Variants in SNX10 observed in about 807,000 individuals in gnomAD.
SNX10 encodes sorting nexin 10.
In SNX10, 25 loss-of-function variants were observed where a neutral mutation model predicts 28.5. That is an observed-to-expected ratio of 0.88 (90% CI 0.64 to 1.22). The LOEUF (loss-of-function observed/expected upper bound fraction) is 1.22. SNX10 is among the 50% of genes most tolerant of loss of function. The pLI, the probability that SNX10 is intolerant of heterozygous loss-of-function variation, is 0.00. For missense variants in SNX10, 223 were observed against 242.6 expected (o/e 0.92, Z 0.54); for synonymous variants, 62 against 81.4 (o/e 0.76, Z 1.28).
chr7:26,311,510 G>A (rs915441224), intron 1 of SNX10, among the ~76,000 whole-genome samples: 7 of 152,124 alleles, frequency 4.6e-5, no homozygotes, highest in Non-Finnish European at 7.4e-5. Context: ...CTGTTGCACT[G>A]GGGGGAGGGA....
chr7:26,319,291 A>G (rs1440548304), intron 1 of SNX10, among the ~76,000 whole-genome samples: 1 of 71,022 alleles, frequency 1.4e-5, no homozygotes, highest in East Asian at 3.7e-4. Flanking sequence ...AATTAAATAT[A>G]CTTATGAAAT....
intron 5 of SNX10, among the ~76,000 whole-genome samples, chr7:26,367,871 G>T (rs1789357684): frequency 6.6e-6 from 1 of 152,190 alleles, no homozygotes; most frequent in Non-Finnish European, 1.5e-5. Context: ...TGCTTGTATT[G>T]TAGGTTTTTC....
intron 1 of SNX10, among the ~76,000 whole-genome samples, chr7:26,303,425 C>A (rs1786455169): frequency 6.6e-6 from 1 of 152,192 alleles, no homozygotes; most frequent in Admixed American, 6.5e-5. Flanking sequence ...TTCAGTGTGG[C>A]CTGCCTGGCC....
chr7:26,339,482 C>T (rs1040931468), intron 1 of SNX10, among the ~76,000 whole-genome samples: 2 of 149,874 alleles, frequency 1.3e-5, no homozygotes, highest in Non-Finnish European at 3.0e-5. Flanking sequence ...TGAAGTCAGG[C>T]ATTTAGGGTT....
intron 1 of SNX10, among the ~76,000 whole-genome samples, chr7:26,300,840 G>A (rs1451987053): frequency 3.3e-5 from 5 of 151,794 alleles, no homozygotes; most frequent in Admixed American, 6.6e-5. Flanking sequence ...CCAACATGGC[G>A]AAACCCCATC....
chr7:26,315,247 C>T (rs1214937548), intron 1 of SNX10, among the ~76,000 whole-genome samples: 1 of 152,134 alleles, frequency 6.6e-6, no homozygotes, highest in Admixed American at 6.5e-5. Context: ...GGAAGAAAGG[C>T]ATTTTTCTAG....
In SNX10 at chr7:26,364,969, C is replaced by T. The variant is rs996021499; in HGVS notation, c.213-78C>T. 1 of 801,904 alleles carries T rather than the reference C, an allele frequency of 1.2e-6. No individual in the cohort carries two copies. The highest frequency in any genetic ancestry group is 1.7e-5 in the African/African-American group (1 of 58,690). The allele number at this position is 801,904 out of a possible 1,614,324, so 49.7% of individuals were successfully genotyped here. On this transcript the variant is annotated intron_variant, in intron 4 of 6. Coordinates refer to ENST00000338523, the MANE Select transcript of SNX10 (RefSeq NM_013322.3). The surrounding 1 kb of genome is among the most constrained non-coding windows in gnomAD (Gnocchi z 4.9). ...GATAATAATCATCATACATAATTTG[C>T]CTTCACTTTGAGGGATTTCTGTAAC...
intron 5 of SNX10, among the ~76,000 whole-genome samples, chr7:26,366,886 G>GTTATGCTTGTGCCAGGTTAT (rs1334622495): frequency 1.3e-5 from 2 of 152,198 alleles, no homozygotes; most frequent in East Asian, 3.8e-4. Flanking sequence ...CCATAGTGGG[G>GTTATGCTTGTGCCAGGTTAT]TTATGCTTGT....
rs1789229665 is a variant in SNX10, at chr7:26,364,961, A to G, written c.213-86A>G. ...AACTGTGTGATAATAATCATCATAC[A>G]TAATTTGCCTTCACTTTGAGGGATT... is the stretch of plus-strand genomic sequence containing the variant. On this transcript the variant is annotated intron_variant, in intron 4 of 6. Transcript: ENST00000338523. The surrounding 1 kb of genome is among the most constrained non-coding windows in gnomAD (Gnocchi z 4.9). 1.4e-6 allele frequency: 1 copy of G among 738,726 alleles called. No homozygotes were observed. Among genetic ancestry groups the G allele is most frequent in the African/African-American group, 1.7e-5 (1 of 57,286 alleles). 45.8% of individuals were successfully genotyped at this position (738,726 alleles called of 1,614,324 possible). A position where few individuals can be genotyped will look rare whatever the true frequency, so the allele number is the denominator to read the frequency against.
At chr7:26,317,954 C>T (rs948674081) in intron 1 of SNX10, among the ~76,000 whole-genome samples, 7 of 152,084 alleles carry the variant, frequency 4.6e-5, no homozygotes, top group Admixed American at 2.0e-4. Context: ...AGCCACCACG[C>T]CCGGCTTTCA....
At chr7:26,293,502 G>A (rs769907116) in intron 1 of SNX10, among the ~76,000 whole-genome samples, 10 of 152,102 alleles carry the variant, frequency 6.6e-5, no homozygotes, top group East Asian at 1.9e-4. Flanking sequence ...CACTGCGCTC[G>A]GCCTTTTATT....
At chr7:26,328,622 C>T (rs953151485) in intron 1 of SNX10, among the ~76,000 whole-genome samples, 1 of 152,186 alleles carries the variant, frequency 6.6e-6, no homozygotes, top group African/African-American at 2.4e-5. Flanking sequence ...GAATCTGTGG[C>T]TTCTGCTAGG....
intron 1 of SNX10, among the ~76,000 whole-genome samples, chr7:26,313,013 G>A (rs1478992049): frequency 1.3e-5 from 2 of 152,172 alleles, no homozygotes; most frequent in Admixed American, 1.3e-4. Context: ...AGATGATATG[G>A]CTTGATCCAG....
At chr7:26,370,112 C>A (rs975650908) in intron 5 of SNX10, among the ~76,000 whole-genome samples, 4 of 152,090 alleles carry the variant, frequency 2.6e-5, no homozygotes, top group Admixed American at 1.3e-4. Flanking sequence ...GAGTACAATC[C>A]CATGAACAGT....
Position 26,325,834 on chromosome 7 carries a change from T to G in SNX10, c.-23-20586T>G, listed in dbSNP as rs1467360116. Reference sequence around the variant, plus strand: ...CCTCTACCTCCTGGGTTCCAGCGATTCTCCTGCCTCAGCCTCCCGAGTAGC... The same window carrying G: ...CCTCTACCTCCTGGGTTCCAGCGATGCTCCTGCCTCAGCCTCCCGAGTAGC... On this transcript the variant is annotated intron_variant, in intron 1 of 6. Coordinates refer to ENST00000338523, the MANE Select transcript of SNX10 (RefSeq NM_013322.3). Among the ~76,000 whole-genome samples, 3 of 151,776 alleles carry G rather than the reference T, an allele frequency of 2.0e-5. No homozygotes were observed. In the East Asian group the frequency reaches 5.8e-4, roughly 30 times the overall value.
chr7:26,351,665 T>G (rs1397739302), intron 2 of SNX10, among the ~76,000 whole-genome samples: 4 of 144,644 alleles, frequency 2.8e-5, no homozygotes, highest in African/African-American at 1.0e-4. Flanking sequence ...TTTTGTTTTT[T>G]TTTTTTTTTG....
In SNX10 at chr7:26,353,537, C is replaced by G. The variant is rs1029392466; in HGVS notation, c.24+7071C>G. On this transcript the variant is annotated intron_variant, in intron 2 of 6. Transcript: ENST00000338523. Reference sequence around the variant, plus strand: ...GATCTCAGTTGCTCACTGCAACCTCCGCCTCCCAGACTCACGCAATTCTCC... The same window carrying G: ...GATCTCAGTTGCTCACTGCAACCTCGGCCTCCCAGACTCACGCAATTCTCC... Among the ~76,000 whole-genome samples, 6 of 148,044 alleles carry G rather than the reference C, an allele frequency of 4.1e-5. No individual in the cohort carries two copies. The Admixed American group carries it at 4.1e-4, about 10-fold the overall frequency.
At chr7:26,365,024 C>CA (rs1789231811) in intron 4 of SNX10, 23 bp from the exon 5 acceptor site, 1 of 1,472,538 alleles carries the variant, frequency 6.8e-7, no homozygotes, top group African/African-American at 1.4e-5. Flanking sequence ...CATTTAAAAA[C>CA]ATTGTTTTTT....
At chr7:26,349,709 A>G (rs971615573) in intron 2 of SNX10, among the ~76,000 whole-genome samples, 6 of 152,376 alleles carry the variant, frequency 3.9e-5, no homozygotes, top group African/African-American at 1.4e-4. Flanking sequence ...CCCAGACTCC[A>G]AATGGAAAGG....
Sources: allele counts gnomAD v4.1 joint callset (sites outside exome capture counted in the v4.1 genomes callset), GRCh38; gene constraint gnomAD v4.1.1; non-coding constraint Gnocchi (gnomAD v3.1); transcripts MANE v1.5; gene names NCBI Gene and HGNC (gene_info 2026-07-23, HGNC 2026-07-21).